Variants in RHBDD1 observed in about 807,000 individuals in gnomAD.
RHBDD1 encodes the protein rhomboid-related protein 4.
RHBDD1 carries 38 observed loss-of-function variants against 36.3 expected under a neutral mutation model. That is an observed-to-expected ratio of 1.05 (90% confidence interval 0.81 to 1.37). The LOEUF (loss-of-function observed/expected upper bound fraction) is 1.37, where lower values mean the gene tolerates loss of function less well. Among genes scored for constraint, RHBDD1 ranks in the 40% most tolerant of loss-of-function variants. The pLI is 0.00. For missense variants in RHBDD1, 393 were observed against 377.6 expected, an observed-to-expected ratio of 1.04 and a Z score of -0.34; for synonymous variants, 151 against 136.5, an observed-to-expected ratio of 1.11 and a Z score of -0.74.
Position 226,914,358 on chromosome 2 carries a change from G to C in RHBDD1, c.856+7G>C. 1 of 1,609,878 alleles carries C rather than the reference G, an allele frequency of 6.2e-7. No individual in the cohort carries two copies. The highest frequency in any genetic ancestry group is 8.5e-7 in the Non-Finnish European group (1 of 1,178,134). On this transcript the variant is annotated splice_region_variant and intron_variant, in intron 8 of 8. Transcript: ENST00000392062. The stretch of plus-strand genomic sequence containing the variant: ...GCCAGCCTCTGGGACCGAGGTAGGA[G>C]TCTTGCGCCCTTCAGTTATTTTAAA...
At chr2:226,834,293 G>C (rs952121797), upstream of RHBDD1, among the ~76,000 whole-genome samples, 8 of 152,234 alleles carry the variant, frequency 5.3e-5, no homozygotes, top group Admixed American at 5.2e-4. Flanking sequence ...TTCCTTTTGA[G>C]AAATTACACA....
chr2:226,948,993 A>G (rs1052119815), intron 8 of RHBDD1, among the ~76,000 whole-genome samples: 4 of 152,142 alleles, frequency 2.6e-5, no homozygotes, highest in South Asian at 2.1e-4. Flanking sequence ...CTACACACCA[A>G]TAATAGCCAA....
At chr2:226,954,486 A>G (rs918295462) in intron 8 of RHBDD1, among the ~76,000 whole-genome samples, 2 of 152,226 alleles carry the variant, frequency 1.3e-5, no homozygotes, top group Non-Finnish European at 2.9e-5. Flanking sequence ...TAGTGACAAT[A>G]AAAATATTAG....
the RHBDD1 span, chr2:226,807,375 A>G: frequency 6.6e-6 from 1 of 152,200 alleles, no homozygotes; most frequent in African/African-American, 2.4e-5. Context: ...ACTGCTTACC[A>G]GGAATTTAAA....
chr2:226,816,213 G>T, the RHBDD1 span, among the ~76,000 whole-genome samples: 632 of 151,966 alleles, frequency 4.2e-3, 2 homozygotes, highest in African/African-American at 0.015. Flanking sequence ...TTATACAGTG[G>T]CATCGTGCTG....
At chr2:226,867,365 G>A (rs1944427603) in intron 5 of RHBDD1, 47 bp downstream of exon 5, 1 of 1,563,862 alleles carries the variant, frequency 6.4e-7, no homozygotes, top group African/African-American at 1.4e-5. Context: ...CTGATGTTCT[G>A]TGGAGAAAAA....
chr2:226,855,453 A>G (rs1943228714), intron 3 of RHBDD1, among the ~76,000 whole-genome samples: 1 of 152,222 alleles, frequency 6.6e-6, no homozygotes, highest in African/African-American at 2.4e-5. Context: ...GCTGTGAGCT[A>G]TGATTGTACC....
chr2:226,896,400 C>G (rs1238756963), intron 5 of RHBDD1, among the ~76,000 whole-genome samples: 1 of 152,198 alleles, frequency 6.6e-6, no homozygotes, highest in Admixed American at 6.5e-5. Context: ...CCTTTTATCT[C>G]TGCCTCCAAA....
intron 8 of RHBDD1, among the ~76,000 whole-genome samples, chr2:226,948,082 A>G (rs1220266669): frequency 6.6e-6 from 1 of 151,914 alleles, no homozygotes; most frequent in Non-Finnish European, 1.5e-5. Context: ...TACCCAAATG[A>G]CTATAAATCA....
At chr2:226,865,460 G>A (rs1317546810) in intron 4 of RHBDD1, among the ~76,000 whole-genome samples, 2 of 152,214 alleles carry the variant, frequency 1.3e-5, no homozygotes, top group African/African-American at 2.4e-5. Flanking sequence ...AGATGACTGT[G>A]CTTGTGAAGT....
upstream of RHBDD1, among the ~76,000 whole-genome samples, chr2:226,831,740 A>T (rs544636929): frequency 6.6e-5 from 10 of 152,150 alleles, no homozygotes; most frequent in South Asian, 2.1e-3. Flanking sequence ...TAGAAAATAA[A>T]GTCTTTTTGG....
At chr2:226,929,751 C>T (rs561267802) in intron 8 of RHBDD1, among the ~76,000 whole-genome samples, 4 of 151,988 alleles carry the variant, frequency 2.6e-5, no homozygotes, top group Admixed American at 6.6e-5. Context: ...ACCCAAAAGA[C>T]GACTCCAAAA....
intron 8 of RHBDD1, among the ~76,000 whole-genome samples, chr2:226,975,915 G>A (rs1221817528): frequency 2.0e-5 from 3 of 152,110 alleles, no homozygotes; most frequent in Non-Finnish European, 4.4e-5. Context: ...GGCTGCAGGA[G>A]TAATGTAAGT....
chr2:226,897,403 G>A (rs1416509620), intron 5 of RHBDD1, among the ~76,000 whole-genome samples: 2 of 152,168 alleles, frequency 1.3e-5, no homozygotes, highest in African/African-American at 4.8e-5. Flanking sequence ...TGTCTTGTTA[G>A]TGTAATAGTC....
chr2:226,806,970 T>A, the RHBDD1 span, among the ~76,000 whole-genome samples: 1 of 152,356 alleles, frequency 6.6e-6, no homozygotes, highest in African/African-American at 2.4e-5. Context: ...CCTAAGATTA[T>A]TTTTGGTACT....
At chr2:226,959,143 T>C (rs1437903646) in intron 8 of RHBDD1, among the ~76,000 whole-genome samples, 1 of 152,178 alleles carries the variant, frequency 6.6e-6, no homozygotes, top group East Asian at 1.9e-4. Flanking sequence ...GTTTCATAAC[T>C]GAAATCTGGG....
Position 226,995,809 on chromosome 2 carries a change from C to A in RHBDD1, c.*287C>A. 1 of 412,140 alleles carries A rather than the reference C, an allele frequency of 2.4e-6. No homozygotes were observed. The highest frequency in any genetic ancestry group is 4.3e-6 in the Non-Finnish European group (1 of 232,082). The allele number at this position is 412,140 out of a possible 1,614,324, so 25.5% of individuals were successfully genotyped here. A position where few individuals can be genotyped will look rare whatever the true frequency, so the allele number is the denominator to read the frequency against. On this transcript the variant is annotated 3_prime_UTR_variant, in exon 9 of 9. Coordinates refer to ENST00000392062, the MANE Select transcript of RHBDD1 (RefSeq NM_001167608.3). ...TCTCTCACTGCTGACTCAGCGATGC[C>A]TCTGCCTCGGTCTGCTTTTGAAGAC...
chr2:226,898,516 A>G (rs1232081233), intron 5 of RHBDD1, among the ~76,000 whole-genome samples: 1 of 152,174 alleles, frequency 6.6e-6, no homozygotes, highest in Non-Finnish European at 1.5e-5. Context: ...GAAGATGGCT[A>G]GGTTTTACTT....
intron 8 of RHBDD1, among the ~76,000 whole-genome samples, chr2:226,922,115 G>GT (rs1949355149): frequency 6.8e-6 from 1 of 146,760 alleles, no homozygotes. Flanking sequence ...TCTTTTTATA[G>GT]TTTTTATCTT....
Sources: allele counts gnomAD v4.1 joint callset (sites outside exome capture counted in the v4.1 genomes callset), GRCh38; gene constraint gnomAD v4.1.1; transcripts MANE v1.5; gene names NCBI Gene and HGNC (gene_info 2026-07-23, HGNC 2026-07-21).